The following MTMR2 variants were observed in gnomAD, a reference collection of about 807,000 sequenced individuals.
The protein encoded by MTMR2 is myotubularin related protein 2, also known as phosphatidylinositol-3,5-bisphosphate 3-phosphatase MTMR2.
A neutral mutation model predicts 86.9 loss-of-function variants in MTMR2; 55 were observed. That is an observed-to-expected ratio of 0.63 (90% CI 0.51 to 0.79). The LOEUF is 0.79. MTMR2 is among the 30% of genes least tolerant of loss of function. MTMR2 has a pLI of 0.00. For missense variants in MTMR2, 659 were observed against 772.3 expected (o/e 0.85, Z 1.74); for synonymous variants, 241 against 266.8 (o/e 0.90, Z 0.94).
intron 1 of MTMR2, among the ~76,000 whole-genome samples, chr11:95,922,869 G>C (rs1234268279): frequency 6.6e-6 from 1 of 151,568 alleles, no homozygotes; most frequent in Non-Finnish European, 1.5e-5. Context: ...AATTATAATA[G>C]AGCCACTTCA....
chr11:95,835,997 G>C (rs1396424871), intron 14 of MTMR2, 151 bp downstream of exon 14: 3 of 800,626 alleles, frequency 3.7e-6, no homozygotes, highest in Non-Finnish European at 6.5e-6. Flanking sequence ...CCCTGCCCCA[G>C]TGTAGTATTT....
chr11:95,879,213 G>GA (rs1394594285), intron 2 of MTMR2, among the ~76,000 whole-genome samples: 1 of 152,102 alleles, frequency 6.6e-6, no homozygotes, highest in African/African-American at 2.4e-5. Context: ...CTGAAACCAC[G>GA]AAGAAGAAAG....
intron 1 of MTMR2, among the ~76,000 whole-genome samples, chr11:95,889,373 T>C (rs1865629460): frequency 6.6e-6 from 1 of 152,040 alleles, no homozygotes; most frequent in African/African-American, 2.4e-5. Flanking sequence ...CCTCAACTGA[T>C]GTGCCCGCTT....
At chr11:95,913,949 C>T (rs1866607213) in intron 1 of MTMR2, among the ~76,000 whole-genome samples, 1 of 152,208 alleles carries the variant, frequency 6.6e-6, no homozygotes, top group South Asian at 2.1e-4. Flanking sequence ...TCTTGTCATC[C>T]TCTTCTCAAG....
chr11:95,904,155 A>G (rs1866172618), intron 1 of MTMR2, among the ~76,000 whole-genome samples: 1 of 151,942 alleles, frequency 6.6e-6, no homozygotes, highest in Non-Finnish European at 1.5e-5. Context: ...AAACAAACAA[A>G]CAAAATCCCT....
intron 3 of MTMR2, among the ~76,000 whole-genome samples, chr11:95,865,015 G>A (rs1010127248): frequency 2.0e-5 from 3 of 151,988 alleles, no homozygotes; most frequent in Non-Finnish European, 4.4e-5. Flanking sequence ...ACAAAAGCAT[G>A]AGGAAAAAAA....
At chr11:95,862,181 GA>G in intron 4 of MTMR2, 79 bp from the exon 5 acceptor site, 1 of 1,528,352 alleles carries the variant, frequency 6.5e-7, no homozygotes, top group Non-Finnish European at 9.0e-7. Flanking sequence ...ATCTTAATCA[GA>G]AATGCTTTAA....
rs886048770 is a variant in MTMR2, at chr11:95,835,379, G to C, written c.1843C>G (p.Gln615Glu). ...AELQKKVEELQREISNRSTSS... is the reference protein window; with the variant it reads ...AELQKKVEELEREISNRSTSS... ...GTTGATCGGTTAGAAATCTCTCTCTGTAGTTCCTCTACTTTTTTCTGAAGC... is the reference window on the plus strand; with the variant it reads ...GTTGATCGGTTAGAAATCTCTCTCTCTAGTTCCTCTACTTTTTTCTGAAGC... Residue 615 changes from glutamine to glutamate, a missense_variant, in exon 15 of 15, where the codon CAG (glutamine) becomes GAG (glutamate). Gln to Glu is a conservative substitution (Grantham distance 29). Transcript: ENST00000346299. 2.1e-5 allele frequency: 34 copies of C among 1,613,016 alleles called. No homozygotes were observed. The highest frequency in any genetic ancestry group is 6.7e-5 in the African/African-American group (5 of 74,890).
At position 95,888,986 on chromosome 11, in the gene MTMR2, G is replaced by C. The variant is rs144656948; in HGVS notation, c.81-725C>G. ...ACAAATAGTTGAATAAGGGTGAATG[G>C]ATAAAAGAGCAGATGAGGATGGAAA... On this transcript the variant is annotated intron_variant, in intron 1 of 14. Coordinates refer to ENST00000346299, the MANE Select transcript of MTMR2 (RefSeq NM_016156.6). 3.4e-4 allele frequency among the ~76,000 whole-genome samples: 52 copies of C among 152,250 alleles called. No individual in the cohort carries two copies. In the East Asian group the frequency reaches 9.8e-3, roughly 29 times the overall value.
intron 1 of MTMR2, among the ~76,000 whole-genome samples, chr11:95,912,617 TAATAC>T (rs1866553698): frequency 6.6e-6 from 1 of 151,846 alleles, no homozygotes; most frequent in South Asian, 2.1e-4. Flanking sequence ...ATACCATACA[TAATAC>T]AATATAAAAT....
chr11:95,905,331 G>GCGCGCGCGCGCGCGCACACACA (rs928252045), intron 1 of MTMR2, among the ~76,000 whole-genome samples: 9 of 147,992 alleles, frequency 6.1e-5, no homozygotes, highest in South Asian at 4.4e-4. Context: ...ACGCACCTGC[G>GCGCGCGCGCGCGCGCACACACA]CACACACACA....
intron 5 of MTMR2, among the ~76,000 whole-genome samples, chr11:95,859,778 AACCAC>A (rs760829064): frequency 4.6e-5 from 7 of 152,204 alleles, no homozygotes; most frequent in Non-Finnish European, 8.8e-5. Context: ...CATTTTGTAG[AACCAC>A]ACACAAAGCC....
chr11:95,851,647 A>G (rs1434203379), intron 7 of MTMR2, among the ~76,000 whole-genome samples: 1 of 152,172 alleles, frequency 6.6e-6, no homozygotes, highest in African/African-American at 2.4e-5. Flanking sequence ...ATTCAGTTTG[A>G]CTGGATGATT....
intron 1 of MTMR2, among the ~76,000 whole-genome samples, chr11:95,916,678 A>T (rs1866724056): frequency 6.6e-6 from 1 of 152,170 alleles, no homozygotes; most frequent in African/African-American, 2.4e-5. Context: ...AATTTTCCAA[A>T]TAACAGTGTT....
chr11:95,891,871 G>A (rs1039766196), intron 1 of MTMR2, among the ~76,000 whole-genome samples: 2 of 151,960 alleles, frequency 1.3e-5, no homozygotes, highest in Non-Finnish European at 2.9e-5. Flanking sequence ...AGAGTGCACA[G>A]GATAGAGGGA....
intron 14 of MTMR2, 94 bp from the exon 15 acceptor site, chr11:95,835,545 C>CTGT: frequency 7.7e-7 from 1 of 1,304,638 alleles, no homozygotes; most frequent in Non-Finnish European, 1.1e-6. Flanking sequence ...GTTTTTTCAG[C>CTGT]TGTTGGAACC....
Position 95,898,488 on chromosome 11 carries a change from C to T in MTMR2, c.81-10227G>A, listed in dbSNP as rs116936366. Among the ~76,000 whole-genome samples the T allele has an allele frequency of 1.6e-4, 24 of 152,072 alleles. No homozygotes were observed. The East Asian group carries it at 4.7e-3, about 29-fold the overall frequency. On this transcript the variant is annotated intron_variant, in intron 1 of 14. Coordinates refer to ENST00000346299, the MANE Select transcript of MTMR2 (RefSeq NM_016156.6). ...TCACTAGTATACTTTAACACAAGCA[C>T]AGCAACAGTGAGACGCTGTCTCTAC...
chr11:95,923,800 G>A, intron 1 of MTMR2, 75 bp downstream of exon 1: 2 of 1,521,522 alleles, frequency 1.3e-6, no homozygotes, highest in Non-Finnish European at 8.8e-7. Flanking sequence ...GCGAATTGGG[G>A]CAACAATCCA....
intron 1 of MTMR2, among the ~76,000 whole-genome samples, chr11:95,905,367 AC>A (rs1455814962): frequency 4.7e-5 from 7 of 148,932 alleles, no homozygotes; most frequent in Admixed American, 2.0e-4. Flanking sequence ...ACACACACAC[AC>A]AACACAACAC....
Sources: gnomAD v4.1 joint callset for allele counts (sites outside exome capture counted in the v4.1 genomes callset) on GRCh38, gnomAD v4.1.1 for gene constraint, MANE v1.5 for transcripts, NCBI Gene and HGNC (gene_info 2026-07-23, HGNC 2026-07-21) for gene names.